ARHGAP25: variants seen among roughly 807,000 people sequenced by gnomAD.
ARHGAP25 encodes rho GTPase-activating protein 25.
In ARHGAP25, 34 loss-of-function variants were observed where a neutral mutation model predicts 71.0. The observed-to-expected ratio is 0.48, with a 90% CI of 0.36 to 0.64. ARHGAP25 has a LOEUF of 0.64. ARHGAP25 is among the 30% of genes least tolerant of loss of function. The pLI is 0.00. For missense variants in ARHGAP25, 706 were observed against 805.1 expected (o/e 0.88, Z 1.49); for synonymous variants, 282 against 296.5 (o/e 0.95, Z 0.50).
chr2:68,755,314 C>T (rs1414359510), intron 1 of ARHGAP25, among the ~76,000 whole-genome samples: 1 of 152,084 alleles, frequency 6.6e-6, no homozygotes, highest in Non-Finnish European at 1.5e-5. Flanking sequence ...TCCAGGCCTC[C>T]TCCCAAAGAT....
chr2:68,777,690 A>G (rs1228878673), intron 2 of ARHGAP25, among the ~76,000 whole-genome samples: 3 of 152,364 alleles, frequency 2.0e-5, no homozygotes, highest in Admixed American at 6.5e-5. Context: ...TGGCTGAAAA[A>G]TGCATTGATA....
intron 1 of ARHGAP25, among the ~76,000 whole-genome samples, chr2:68,757,037 AAG>A (rs1676522140): frequency 6.6e-6 from 1 of 152,200 alleles, no homozygotes. Context: ...AAAATTTTAA[AAG>A]AGGGATTCAA....
intron 9 of ARHGAP25, chr2:68,819,785 T>G: frequency 3.0e-6 from 1 of 333,686 alleles, no homozygotes. Context: ...CGATAAGCCG[T>G]CTCAGCCATG....
intron 5 of ARHGAP25, among the ~76,000 whole-genome samples, chr2:68,808,315 T>C (rs958137832): frequency 1.3e-5 from 2 of 152,176 alleles, no homozygotes; most frequent in African/African-American, 4.8e-5. Flanking sequence ...TTTCCAAAAA[T>C]GAAAGTTGCT....
chr2:68,772,297 A>G (rs960508846), intron 1 of ARHGAP25, among the ~76,000 whole-genome samples: 1 of 152,216 alleles, frequency 6.6e-6, no homozygotes, highest in Non-Finnish European at 1.5e-5. Flanking sequence ...AAGGGGCCTG[A>G]GTCCTTCTAG....
intron 2 of ARHGAP25, among the ~76,000 whole-genome samples, chr2:68,728,016 A>G (rs1674924592): frequency 1.3e-5 from 2 of 152,236 alleles, no homozygotes; most frequent in Non-Finnish European, 2.9e-5. Flanking sequence ...GGAAATTTGA[A>G]ATGATACTGA....
intron 2 of ARHGAP25, among the ~76,000 whole-genome samples, chr2:68,725,613 C>T (rs1438294533): frequency 2.0e-5 from 3 of 152,128 alleles, no homozygotes; most frequent in African/African-American, 7.2e-5. Context: ...AGGCATGAGC[C>T]ACCATGCCCA....
chr2:68,755,078 C>G (rs1676399679), intron 1 of ARHGAP25, among the ~76,000 whole-genome samples: 1 of 152,122 alleles, frequency 6.6e-6, no homozygotes, highest in South Asian at 2.1e-4. Context: ...CTTTTGGTGT[C>G]AAGAGTTGTT....
At chr2:68,791,063 G>T (rs1358226512) in intron 4 of ARHGAP25, among the ~76,000 whole-genome samples, 2 of 152,150 alleles carry the variant, frequency 1.3e-5, no homozygotes, top group African/African-American at 4.8e-5. Context: ...TGCATGGCTT[G>T]GTCCCTTACC....
At chr2:68,819,505 T>C (rs1251326132) in intron 9 of ARHGAP25, 186 bp downstream of exon 9, 3 of 725,700 alleles carry the variant, frequency 4.1e-6, no homozygotes, top group Admixed American at 2.0e-5. Flanking sequence ...CTAGTTTCTA[T>C]TGGCATCTTT....
chr2:68,750,603 G>A (rs937957461), intron 1 of ARHGAP25, among the ~76,000 whole-genome samples: 2 of 152,164 alleles, frequency 1.3e-5, no homozygotes, highest in Non-Finnish European at 2.9e-5. Context: ...TTGCAGGCAC[G>A]AGCCACCGCA....
chr2:68,759,386 A>G (rs1000842982), intron 1 of ARHGAP25, among the ~76,000 whole-genome samples: 1 of 151,854 alleles, frequency 6.6e-6, no homozygotes, highest in Non-Finnish European at 1.5e-5. Context: ...AAATTCAGAA[A>G]TGAAAGTGAG....
chr2:68,765,995 G>T (rs2104353258), intron 1 of ARHGAP25, among the ~76,000 whole-genome samples: 1 of 152,226 alleles, frequency 6.6e-6, no homozygotes, highest in African/African-American at 2.4e-5. Flanking sequence ...GCCCTGGAAG[G>T]GTCCTTCCTG....
chr2:68,781,643 C>T (rs1333158291), intron 2 of ARHGAP25, among the ~76,000 whole-genome samples: 1 of 152,190 alleles, frequency 6.6e-6, no homozygotes, highest in Non-Finnish European at 1.5e-5. Context: ...CTGGCACTTA[C>T]TAGCTCTATG....
intron 4 of ARHGAP25, 24 bp from the exon 5 acceptor site, chr2:68,807,249 A>G (rs748098048): frequency 2.5e-6 from 4 of 1,611,800 alleles, no homozygotes; most frequent in Middle Eastern, 1.7e-4. Flanking sequence ...AATGACGGGC[A>G]GGTTCTGTTT....
At chr2:68,731,964 G>A (rs944626727), upstream of ARHGAP25, among the ~76,000 whole-genome samples, 1 of 152,188 alleles carries the variant, frequency 6.6e-6, no homozygotes, top group African/African-American at 2.4e-5. Flanking sequence ...ACGTCTGCTT[G>A]TTCACGAACG....
At chr2:68,746,648 T>C (rs929600043) in intron 1 of ARHGAP25, among the ~76,000 whole-genome samples, 2 of 146,154 alleles carry the variant, frequency 1.4e-5, no homozygotes, top group Non-Finnish European at 3.0e-5. Flanking sequence ...CTGTGAAAAA[T>C]GGAAATGGAG....
rs1419859588 is a variant in ARHGAP25, at chr2:68,767,470, G to A, written c.62-7751G>A. Among the ~76,000 whole-genome samples the A allele has an allele frequency of 6.6e-6, 1 of 152,058 alleles. No homozygotes were observed. The highest frequency in any genetic ancestry group is 2.4e-5 in the African/African-American group (1 of 41,384). On this transcript the variant is annotated intron_variant, in intron 1 of 10. Transcript: ENST00000409202. This position sits in a 1 kb window ranked among gnomAD's most constrained non-coding sequence, Gnocchi z 4.6. Reference sequence around the variant, plus strand: ...GTGTATGTGTGCGGGGTGTGGGCAGGGACGTATGAATCTGTTTATCATTTT... The same window carrying A: ...GTGTATGTGTGCGGGGTGTGGGCAGAGACGTATGAATCTGTTTATCATTTT...
intron 4 of ARHGAP25, among the ~76,000 whole-genome samples, chr2:68,807,018 A>G (rs1357030595): frequency 1.3e-5 from 2 of 152,228 alleles, no homozygotes; most frequent in African/African-American, 4.8e-5. Context: ...CTAGCAAAAG[A>G]ATTCAGTAAA....
Sources: allele counts gnomAD v4.1 joint callset (sites outside exome capture counted in the v4.1 genomes callset), GRCh38; gene constraint gnomAD v4.1.1; non-coding constraint Gnocchi (gnomAD v3.1); transcripts MANE v1.5; gene names NCBI Gene and HGNC (gene_info 2026-07-23, HGNC 2026-07-21).